TSHZ2: variants seen among roughly 807,000 people sequenced by gnomAD.
The protein encoded by TSHZ2 is teashirt homolog 2.
A neutral mutation model predicts 74.4 loss-of-function variants in TSHZ2; 21 were observed. The observed-to-expected ratio is 0.28, with a 90% CI of 0.20 to 0.41. The LOEUF is 0.41. TSHZ2 is among the 10% of genes least tolerant of loss of function. The pLI is 1.00. For synonymous variants in TSHZ2, 540 were observed against 515.3 expected (o/e 1.05, Z -0.65); for missense variants, 1,244 against 1,293.5 (o/e 0.96, Z 0.59).
intron 1 of TSHZ2, among the ~76,000 whole-genome samples, chr20:53,137,516 C>T (rs975484601): frequency 8.5e-5 from 13 of 152,108 alleles, no homozygotes; most frequent in African/African-American, 2.4e-4. Context: ...TAAGGAGCCA[C>T]GTCTAGCCCA....
At chr20:52,990,494 G>A (rs925717637) in intron 1 of TSHZ2, among the ~76,000 whole-genome samples, 5 of 152,122 alleles carry the variant, frequency 3.3e-5, no homozygotes, top group African/African-American at 1.2e-4. Flanking sequence ...AAAAAGAAAA[G>A]CATGAACAAC....
intron 2 of TSHZ2, among the ~76,000 whole-genome samples, chr20:53,334,688 T>C (rs1280186891): frequency 3.9e-5 from 6 of 152,036 alleles, no homozygotes; most frequent in East Asian, 3.8e-4. Context: ...TTTTTTTTTT[T>C]CTAATTTAAA....
At chr20:53,026,896 T>C (rs1983465795) in intron 1 of TSHZ2, among the ~76,000 whole-genome samples, 2 of 152,090 alleles carry the variant, frequency 1.3e-5, no homozygotes, top group South Asian at 2.1e-4. Context: ...CCAGCACTTT[T>C]GGAGATCGAG....
At chr20:53,329,332 ATTAACT>A (rs1385114537) in intron 2 of TSHZ2, among the ~76,000 whole-genome samples, 1,701 of 152,302 alleles carry the variant, frequency 0.011, 30 homozygotes, top group African/African-American at 0.034. Flanking sequence ...TAATCACAAA[ATTAACT>A]TAAAACTAAA....
chr20:53,469,476 G>A (rs1436224885), intron 2 of TSHZ2, among the ~76,000 whole-genome samples: 1 of 151,806 alleles, frequency 6.6e-6, no homozygotes, highest in Non-Finnish European at 1.5e-5. Context: ...CCCAGGAGGT[G>A]GAGGTTGCAG....
chr20:53,229,682 A>G (rs1989773441), intron 1 of TSHZ2, among the ~76,000 whole-genome samples: 1 of 152,034 alleles, frequency 6.6e-6, no homozygotes, highest in Non-Finnish European at 1.5e-5. Context: ...CTTTGGGAGC[A>G]GCACTCTCTT....
chr20:53,162,761 C>T (rs1339089752), intron 1 of TSHZ2, among the ~76,000 whole-genome samples: 1 of 152,142 alleles, frequency 6.6e-6, no homozygotes, highest in Non-Finnish European at 1.5e-5. Flanking sequence ...ATGCTGTTAC[C>T]TTGCACATTC....
intron 1 of TSHZ2, among the ~76,000 whole-genome samples, chr20:52,984,342 C>G (rs1444328404): frequency 6.6e-6 from 1 of 152,138 alleles, no homozygotes; most frequent in Non-Finnish European, 1.5e-5. Context: ...CTGGTGTTTG[C>G]AGAGGGTGTT....
chr20:53,322,601 C>A (rs1422265940), intron 2 of TSHZ2, among the ~76,000 whole-genome samples: 2 of 152,168 alleles, frequency 1.3e-5, no homozygotes, highest in African/African-American at 2.4e-5. Context: ...ACTGGCTGAC[C>A]TTTTTCTAGC....
intron 1 of TSHZ2, among the ~76,000 whole-genome samples, chr20:53,101,927 CTT>C (rs1367412862): frequency 1.3e-5 from 2 of 150,920 alleles, no homozygotes; most frequent in Admixed American, 6.6e-5. Flanking sequence ...TTTAAAATCA[CTT>C]TTTTGGGGAG....
At chr20:53,334,417 C>T (rs114045786) in intron 2 of TSHZ2, among the ~76,000 whole-genome samples, 1 of 152,034 alleles carries the variant, frequency 6.6e-6, no homozygotes, top group Admixed American at 6.6e-5. Flanking sequence ...AGCAAGTGCA[C>T]AGGCCCTGAG....
intron 1 of TSHZ2, among the ~76,000 whole-genome samples, chr20:53,101,806 G>C (rs1359820598): frequency 6.6e-6 from 1 of 152,164 alleles, no homozygotes; most frequent in African/African-American, 2.4e-5. Flanking sequence ...TATTGGTGAT[G>C]GGGTTAAAGT....
intron 1 of TSHZ2, among the ~76,000 whole-genome samples, chr20:53,039,519 T>A (rs994502772): frequency 6.6e-6 from 1 of 152,004 alleles, no homozygotes; most frequent in Non-Finnish European, 1.5e-5. Flanking sequence ...GATACAGCAG[T>A]GAACAAAACA....
chr20:53,412,134 A>G (rs1436329124), intron 2 of TSHZ2, among the ~76,000 whole-genome samples: 3 of 152,178 alleles, frequency 2.0e-5, no homozygotes, highest in Non-Finnish European at 4.4e-5. Flanking sequence ...ATTAAGACTC[A>G]GTTCACAGAT....
intron 1 of TSHZ2, among the ~76,000 whole-genome samples, chr20:53,033,425 AGTGACTACCTAT>A (rs1371599725): frequency 6.6e-6 from 1 of 152,170 alleles, no homozygotes; most frequent in African/African-American, 2.4e-5. Flanking sequence ...AAGCTCTACC[AGTGACTACCTAT>A]GTAAGCAAGT....
intron 2 of TSHZ2, among the ~76,000 whole-genome samples, chr20:53,273,911 A>G (rs563360998): frequency 2.0e-5 from 3 of 152,162 alleles, no homozygotes; most frequent in East Asian, 1.9e-4. Context: ...CTCTTCCCGA[A>G]TCTCCCCTGG....
At chr20:53,318,390 A>G (rs760942788) in intron 2 of TSHZ2, among the ~76,000 whole-genome samples, 3 of 152,190 alleles carry the variant, frequency 2.0e-5, no homozygotes, top group African/African-American at 7.2e-5. Flanking sequence ...AGGCATTCAG[A>G]ATGCACCAGA....
intron 2 of TSHZ2, among the ~76,000 whole-genome samples, chr20:53,485,229 TTATG>T (rs67763287): frequency 0.022 from 3,397 of 152,304 alleles, 138 homozygotes; most frequent in African/African-American, 0.077. Context: ...CATCATAGTG[TTATG>T]TATTATTGAA....
chr20:53,113,928 A>G (rs1487491764), intron 1 of TSHZ2, among the ~76,000 whole-genome samples: 1 of 151,486 alleles, frequency 6.6e-6, no homozygotes, highest in African/African-American at 2.4e-5. Context: ...CATGGTACCA[A>G]AAAAAAAGGT....
Sources: allele counts gnomAD v4.1 joint callset (sites outside exome capture counted in the v4.1 genomes callset), GRCh38; gene constraint gnomAD v4.1.1; transcripts MANE v1.5; gene names NCBI Gene and HGNC (gene_info 2026-07-23, HGNC 2026-07-21).